Variants in PLCE1 observed in about 807,000 individuals in gnomAD.
PLCE1 encodes phospholipase C epsilon 1, also known as 1-phosphatidylinositol 4,5-bisphosphate phosphodiesterase epsilon-1.
Under a neutral mutation model 242.8 loss-of-function variants are expected in PLCE1, and 119 were observed. The observed-to-expected ratio is 0.49, with a 90% CI of 0.42 to 0.57. The LOEUF is 0.57. Among genes scored for constraint, PLCE1 ranks in the 20% least tolerant of loss-of-function variants. The pLI is 0.00. For synonymous variants in PLCE1, 945 were observed against 1,017.4 expected (o/e 0.93, Z 1.35); for missense variants, 2,441 against 2,788.8 (o/e 0.88, Z 2.81).
intron 20 of PLCE1, among the ~76,000 whole-genome samples, chr10:94,282,918 G>T (rs955781288): frequency 1.3e-5 from 2 of 152,096 alleles, no homozygotes; most frequent in African/African-American, 2.4e-5. Flanking sequence ...GCATGACGTT[G>T]TGATACTTCT....
intron 19 of PLCE1, among the ~76,000 whole-genome samples, chr10:94,276,222 G>A (rs2051949329): frequency 6.6e-6 from 1 of 152,076 alleles, no homozygotes; most frequent in Admixed American, 6.6e-5. Flanking sequence ...CTCCTCTCTT[G>A]TAGCCTGCAT....
intron 1 of PLCE1, among the ~76,000 whole-genome samples, chr10:94,025,247 T>C (rs1019512509): frequency 2.0e-5 from 3 of 152,130 alleles, no homozygotes; most frequent in Admixed American, 1.3e-4. Context: ...TATATCTCTT[T>C]GGCTGTAACT....
intron 2 of PLCE1, among the ~76,000 whole-genome samples, chr10:94,041,718 G>A (rs2061770993): frequency 6.6e-6 from 1 of 152,158 alleles, no homozygotes; most frequent in African/African-American, 2.4e-5. Flanking sequence ...GTCAGTGGGG[G>A]TTCGGGGATG....
At chr10:94,288,912 G>A (rs569731377) in intron 22 of PLCE1, among the ~76,000 whole-genome samples, 8 of 152,170 alleles carry the variant, frequency 5.3e-5, no homozygotes, top group Non-Finnish European at 1.0e-4. Context: ...GTAGAACCCT[G>A]CTGCCTTGGA....
chr10:94,079,979 T>C (rs2044610481), intron 2 of PLCE1, among the ~76,000 whole-genome samples: 1 of 152,238 alleles, frequency 6.6e-6, no homozygotes, highest in Non-Finnish European at 1.5e-5. Flanking sequence ...GATTTTACTA[T>C]TGTGATGGGG....
Position 94,330,870 on chromosome 10 carries a change from TCA to T in PLCE1, c.*2931_*2932del, listed in dbSNP as rs1297266360. On this transcript the variant is annotated 3_prime_UTR_variant, in exon 33 of 33. Transcript: ENST00000371380. ...CACTATGACTATACCCATTACCATT[TCA>T]CACTTTTTAGGCCACCAGAAATCTG... is the stretch of plus-strand genomic sequence containing the variant. 2 of 152,232 alleles carry T rather than the reference TCA, an allele frequency of 1.3e-5. No individual in the cohort carries two copies. The highest frequency in any genetic ancestry group is 2.9e-5 in the Non-Finnish European group (2 of 68,044). The allele number at this position is 152,232 out of a possible 1,614,324, so 9.4% of individuals were successfully genotyped here.
intron 3 of PLCE1, among the ~76,000 whole-genome samples, chr10:94,156,245 A>G (rs2047430485): frequency 6.6e-6 from 1 of 152,130 alleles, no homozygotes; most frequent in Non-Finnish European, 1.5e-5. Context: ...CAATTCTGAC[A>G]TTTTCCACCT....
intron 20 of PLCE1, among the ~76,000 whole-genome samples, chr10:94,282,218 T>C (rs537100579): frequency 6.6e-6 from 1 of 150,988 alleles, no homozygotes; most frequent in Non-Finnish European, 1.5e-5. Flanking sequence ...AATAAAGGAA[T>C]TAATCTAACA....
At chr10:94,087,135 C>T (rs1029831210) in intron 2 of PLCE1, among the ~76,000 whole-genome samples, 3 of 151,956 alleles carry the variant, frequency 2.0e-5, no homozygotes, top group Non-Finnish European at 4.4e-5. Flanking sequence ...ATTACTTGAG[C>T]CCAGGAGTTC....
chr10:94,268,332 T>C (rs1332247661), intron 16 of PLCE1, among the ~76,000 whole-genome samples: 1 of 152,254 alleles, frequency 6.6e-6, no homozygotes. Flanking sequence ...ATTTATGGAT[T>C]ATTTGCCATC....
intron 2 of PLCE1, among the ~76,000 whole-genome samples, chr10:94,071,416 C>T (rs1290149235): frequency 6.6e-6 from 1 of 151,468 alleles, no homozygotes; most frequent in Non-Finnish European, 1.5e-5. Flanking sequence ...CTTAAGCCTC[C>T]TTTACTCTCT....
chr10:94,302,433 A>G (rs1294717012), intron 24 of PLCE1, among the ~76,000 whole-genome samples: 3 of 152,244 alleles, frequency 2.0e-5, no homozygotes, highest in African/African-American at 7.2e-5. Context: ...TAATAGCTTT[A>G]GAGTTTTGGC....
At chr10:94,204,775 GAAGGAAGGAAGGAAGGAAGGAAGGAAGC>G (rs1370630579) in intron 4 of PLCE1, among the ~76,000 whole-genome samples, 10 of 128,128 alleles carry the variant, frequency 7.8e-5, no homozygotes, top group Non-Finnish European at 1.5e-4. Flanking sequence ...AGGAAGGAAG[GAAGGAAGGAAGGAAGGAAGGAAGGAAGC>G]AAAATAATGT....
At chr10:94,011,994 A>G (rs1589852363) in intron 1 of PLCE1, among the ~76,000 whole-genome samples, 1 of 152,258 alleles carries the variant, frequency 6.6e-6, no homozygotes, top group African/African-American at 2.4e-5. Flanking sequence ...CAGGGCTCAG[A>G]GGAGTTTCCA....
At chr10:94,132,949 CAAAAAAAA>C (rs33967020) in intron 3 of PLCE1, among the ~76,000 whole-genome samples, 1 of 88,846 alleles carries the variant, frequency 1.1e-5, no homozygotes, top group African/African-American at 4.3e-5. Flanking sequence ...GACTCCATCT[CAAAAAAAA>C]AAAAAAAAAA....
intron 2 of PLCE1, among the ~76,000 whole-genome samples, chr10:94,089,996 T>G (rs1024840400): frequency 9.9e-5 from 15 of 152,162 alleles, no homozygotes; most frequent in African/African-American, 3.6e-4. Flanking sequence ...TTTAAAAAAT[T>G]TTCAGTGTAA....
At chr10:94,197,705 G>A (rs1294174226) in intron 4 of PLCE1, among the ~76,000 whole-genome samples, 2 of 152,162 alleles carry the variant, frequency 1.3e-5, no homozygotes, top group African/African-American at 4.8e-5. Context: ...ATTCTTGGCT[G>A]GGTGCAGTGG....
intron 19 of PLCE1, 33 bp from the exon 20 acceptor site, chr10:94,279,749 C>T: frequency 3.7e-6 from 6 of 1,609,882 alleles, no homozygotes; most frequent in Non-Finnish European, 5.1e-6. Flanking sequence ...ATTAACTTGG[C>T]ATCTGCAGTT....
intron 2 of PLCE1, among the ~76,000 whole-genome samples, chr10:94,059,495 G>C (rs1054520639): frequency 6.6e-6 from 1 of 152,122 alleles, no homozygotes; most frequent in South Asian, 2.1e-4. Context: ...GATACGGGGA[G>C]GGGGTGTGTG....
Sources: gnomAD v4.1 joint callset for allele counts (sites outside exome capture counted in the v4.1 genomes callset) on GRCh38, gnomAD v4.1.1 for gene constraint, MANE v1.5 for transcripts, NCBI Gene and HGNC (gene_info 2026-07-23, HGNC 2026-07-21) for gene names.